The following PCDHGA4 variants were observed in gnomAD, a reference collection of about 807,000 sequenced individuals.
PCDHGA4 encodes protocadherin gamma subfamily A, 4, also known as protocadherin gamma-A4.
A neutral mutation model predicts 54.6 loss-of-function variants in PCDHGA4; 38 were observed. The observed-to-expected ratio is 0.70, with a 90% confidence interval of 0.54 to 0.91. The LOEUF is 0.91. Among genes scored for constraint, PCDHGA4 ranks in the 40% least tolerant of loss-of-function variants. PCDHGA4 has a pLI of 0.00. For synonymous variants in PCDHGA4, 511 were observed against 512.9 expected, an observed-to-expected ratio of 1.00 and a Z score of 0.05; for missense variants, 1,298 against 1,220.9, an observed-to-expected ratio of 1.06 and a Z score of -0.94.
At position 141,425,978 on chromosome 5, in the gene PCDHGA4, A is replaced by T. The variant is rs182438141; in HGVS notation, c.2514+68357A>T. Among the ~76,000 whole-genome samples the T allele has an allele frequency of 3.9e-3, 592 of 152,340 alleles. 5 individuals carry two copies. Among genetic ancestry groups the T allele is most frequent in the African/African-American group, 0.014 (563 of 41,588 alleles). ...AGTCCAACACATCAGTCTAATTCTG[A>T]ATCCCATTGAATTAGCAAAGGCTTC... On this transcript the variant is annotated intron_variant, in intron 1 of 3. Coordinates refer to ENST00000571252, the MANE Select transcript of PCDHGA4 (RefSeq NM_018917.4).
rs1450885001 is a variant in PCDHGA4 at position 141,355,462 on chromosome 5, G to A, written c.355G>A (p.Gly119Ser). The change falls in exon 1 of 4, where the codon GGT becomes AGT. Residue 119 changes from glycine (G) to serine (S), a missense_variant. By Grantham distance (56) the Gly-to-Ser change is moderately conservative (BLOSUM62 0). Coordinates refer to ENST00000571252, the MANE Select transcript of PCDHGA4 (RefSeq NM_018917.4). The stretch of plus-strand genomic sequence containing the variant: ...GCGCAGCGGCACCTTGGTCACCGCG[G>A]GTAGGATAGACAGGGAGGAGCTCTG... ...NPRSGTLVTA[G>S]RIDREELCDR... 6.2e-7 allele frequency: 1 copy of A among 1,614,088 alleles called. No homozygotes were observed. Among genetic ancestry groups the A allele is most frequent in the Admixed American group, 1.7e-5 (1 of 60,034 alleles).
At chr5:141,360,048 A>C in intron 1 of PCDHGA4, 2 of 1,434,382 alleles carry the variant, frequency 1.4e-6, no homozygotes, top group Non-Finnish European at 1.8e-6. Flanking sequence ...ACAGAAAACA[A>C]AAGCAGGAAA....
chr5:141,511,485 C>T lies in PCDHGA4; in HGVS notation c.*312C>T, dbSNP rs1324849800. 1.8e-5 allele frequency: 8 copies of T among 453,300 alleles called. No individual in the cohort carries two copies. The highest frequency in any genetic ancestry group is 1.2e-4 in the African/African-American group (6 of 50,332). The allele number at this position is 453,300 out of a possible 1,614,324, so 28.1% of individuals were successfully genotyped here. A position where few individuals can be genotyped will look rare whatever the true frequency, so the allele number is the denominator to read the frequency against. On this transcript the variant is annotated 3_prime_UTR_variant, in exon 4 of 4. Coordinates refer to ENST00000571252, the MANE Select transcript of PCDHGA4 (RefSeq NM_018917.4). Reference sequence around the variant, plus strand: ...ACCCCGTTTAGTTACAGCTGAACTCCTCCATCTTCCAAATCAATCAGGCCC... The same window carrying T: ...ACCCCGTTTAGTTACAGCTGAACTCTTCCATCTTCCAAATCAATCAGGCCC...
Position 141,511,375 on chromosome 5 carries a change from A to G in PCDHGA4, c.*202A>G. 2 of 1,236,730 alleles carry G rather than the reference A, an allele frequency of 1.6e-6. No individual in the cohort carries two copies. The highest frequency in any genetic ancestry group is 2.2e-6 in the Non-Finnish European group (2 of 912,840). 76.6% of individuals were successfully genotyped at this position (1,236,730 alleles called of 1,614,324 possible). A position where few individuals can be genotyped will look rare whatever the true frequency, so the allele number is the denominator to read the frequency against. On this transcript the variant is annotated 3_prime_UTR_variant, in exon 4 of 4. Coordinates refer to ENST00000571252, the MANE Select transcript of PCDHGA4 (RefSeq NM_018917.4). ...CCCAGGGGGTTGAATATGCAAAAGCAGTTCCGCTGGGAACCCCCATCCAAT... is the reference window on the plus strand; with the variant it reads ...CCCAGGGGGTTGAATATGCAAAAGCGGTTCCGCTGGGAACCCCCATCCAAT...
intron 1 of PCDHGA4, chr5:141,428,502 G>T: frequency 7.1e-6 from 2 of 282,686 alleles, no homozygotes; most frequent in Non-Finnish European, 6.9e-6. Flanking sequence ...ATGTTCCCTC[G>T]GATTCTAGAA....
At chr5:141,411,578 T>C (rs892738350) in intron 1 of PCDHGA4, 10 of 152,194 alleles carry the variant, frequency 6.6e-5, no homozygotes, top group African/African-American at 2.4e-4. Flanking sequence ...AGTGCGACCC[T>C]GTCTCTAAAA....
intron 1 of PCDHGA4, chr5:141,429,173 C>CA (rs1561839883): frequency 7.9e-6 from 1 of 125,872 alleles, no homozygotes; most frequent in Non-Finnish European, 1.7e-5. Flanking sequence ...TGTTTATACA[C>CA]ACACACACAC....
At chr5:141,383,515 C>A (rs749503295) in intron 1 of PCDHGA4, 4 of 1,612,348 alleles carry the variant, frequency 2.5e-6, no homozygotes, top group Admixed American at 1.7e-5. Context: ...GGAGGAAGAG[C>A]GGGTTCACCA....
At chr5:141,365,299 T>A (rs777540442) in intron 1 of PCDHGA4, 1 of 1,614,002 alleles carries the variant, frequency 6.2e-7, no homozygotes. Flanking sequence ...TAGCTCAGGA[T>A]GGAGGCGCTC....
In PCDHGA4 at chr5:141,385,425, T is replaced by C; in HGVS notation, c.2514+27804T>C. On this transcript the variant is annotated intron_variant, in intron 1 of 3. Coordinates refer to ENST00000571252, the MANE Select transcript of PCDHGA4 (RefSeq NM_018917.4). The stretch of plus-strand genomic sequence containing the variant: ...TTTTGAAAATAGGGATTTAAAAAAC[T>C]TTATAGAGGTAAAAATGAGTTTACC... The C allele has an allele frequency of 2.7e-6, 4 of 1,460,336 alleles. No individual in the cohort carries two copies. The South Asian group carries it at 4.4e-5, about 16-fold the overall frequency. The allele number at this position is 1,460,336 out of a possible 1,614,324, so 90.5% of individuals were successfully genotyped here. A position where few individuals can be genotyped will look rare whatever the true frequency, so the allele number is the denominator to read the frequency against.
chr5:141,506,017 C>G (rs2099850061), intron 3 of PCDHGA4, among the ~76,000 whole-genome samples: 1 of 152,176 alleles, frequency 6.6e-6, no homozygotes, highest in Non-Finnish European at 1.5e-5. Flanking sequence ...TTTGCTGCCC[C>G]TAACTCCAGA....
At chr5:141,457,524 G>A (rs1427291573) in intron 1 of PCDHGA4, among the ~76,000 whole-genome samples, 1 of 152,188 alleles carries the variant, frequency 6.6e-6, no homozygotes, top group African/African-American at 2.4e-5. Context: ...CAATTAATGA[G>A]ACTAGGGTTT....
chr5:141,384,735 C>T (rs1258816819), intron 1 of PCDHGA4: 9 of 1,614,026 alleles, frequency 5.6e-6, no homozygotes, highest in Non-Finnish European at 6.8e-6. Flanking sequence ...TTAAGGCCAG[C>T]GAGCCAGGAC....
At position 141,487,344 on chromosome 5, in the gene PCDHGA4, C is replaced by T. The variant is rs1232854025; in HGVS notation, c.2515-7463C>T. On this transcript the variant is annotated intron_variant, in intron 1 of 3. Coordinates refer to ENST00000571252, the MANE Select transcript of PCDHGA4 (RefSeq NM_018917.4). This position sits in a 1 kb window ranked among gnomAD's most constrained non-coding sequence, Gnocchi z 5.0. ...CTTCGTGGGGCAGCCTGTGGAGTCA[C>T]ATGCTTTCCTGCTGGCACCTGTGCC... 3 of 1,614,208 alleles carry T rather than the reference C, an allele frequency of 1.9e-6. No individual in the cohort carries two copies. The highest frequency in any genetic ancestry group is 3.3e-5 in the Admixed American group (2 of 60,024).
chr5:141,462,262 A>G (rs2099035971), intron 1 of PCDHGA4, among the ~76,000 whole-genome samples: 1 of 152,192 alleles, frequency 6.6e-6, no homozygotes, highest in African/African-American at 2.4e-5. Flanking sequence ...GACCAGCCTA[A>G]AGTGTATTGT....
intron 2 of PCDHGA4, among the ~76,000 whole-genome samples, chr5:141,499,772 C>T (rs1217675128): frequency 1.0e-4 from 15 of 147,946 alleles, no homozygotes; most frequent in Admixed American, 9.0e-4. Context: ...CTGCAGCCTT[C>T]GCCTCCCGGG....
Position 141,428,338 on chromosome 5 carries a change from T to C in PCDHGA4, c.2515-66469T>C, listed in dbSNP as rs575215422. 427 of 592,394 alleles carry C rather than the reference T, an allele frequency of 7.2e-4. 1 individual carries two copies. The highest frequency in any genetic ancestry group is 1.3e-3 in the Non-Finnish European group (409 of 326,444). 36.7% of individuals were successfully genotyped at this position (592,394 alleles called of 1,614,324 possible). ...CTTGGCCTTGATTTCTATGCTCTTC[T>C]TCCTCGCAGTGATTTTGGCGGTCGC... On this transcript the variant is annotated intron_variant, in intron 1 of 3. Coordinates refer to ENST00000571252, the MANE Select transcript of PCDHGA4 (RefSeq NM_018917.4).
chr5:141,356,033 C>A lies in PCDHGA4; in HGVS notation c.926C>A (p.Thr309Lys), dbSNP rs766818568. ...DPDEGANGDVTYSFRKVRDKI... is the reference protein window; with the variant it reads ...DPDEGANGDVKYSFRKVRDKI... ...GATGAAGGAGCCAATGGAGACGTGA[C>A]GTATTCTTTCCGGAAAGTAAGAGAC... The change falls in exon 1 of 4, where the codon ACG becomes AAG. Residue 309 changes from threonine (T) to lysine (K), a missense_variant. Transcript: ENST00000571252. 1 of 1,613,946 alleles carries A rather than the reference C, an allele frequency of 6.2e-7. No homozygotes were observed. The highest frequency in any genetic ancestry group is 8.5e-7 in the Non-Finnish European group (1 of 1,179,878).
intron 1 of PCDHGA4, chr5:141,404,921 A>G: frequency 6.2e-7 from 1 of 1,613,804 alleles, no homozygotes; most frequent in South Asian, 1.1e-5. Context: ...TCTCTCGGCC[A>G]CTGTCACGCT....
Sources: allele counts gnomAD v4.1 joint callset (sites outside exome capture counted in the v4.1 genomes callset), GRCh38; gene constraint gnomAD v4.1.1; non-coding constraint Gnocchi (gnomAD v3.1); transcripts MANE v1.5; gene names NCBI Gene and HGNC (gene_info 2026-07-23, HGNC 2026-07-21).